MROH9: variants seen among roughly 807,000 people sequenced by gnomAD.
MROH9 encodes the protein maestro heat-like repeat-containing protein family member 9.
Under a neutral mutation model 98.2 loss-of-function variants are expected in MROH9, and 92 were observed. The ratio of observed to expected loss-of-function variants is 0.94; its 90% CI spans 0.79 to 1.11. The LOEUF (loss-of-function observed/expected upper bound fraction) is 1.11, where lower values mean the gene tolerates loss of function less well. MROH9 is among the 50% of genes most tolerant of loss of function. The pLI is 0.00. For missense variants in MROH9, 1,057 were observed against 1,014.8 expected, an observed-to-expected ratio of 1.04 and a Z score of -0.57; for synonymous variants, 397 against 368.9, an observed-to-expected ratio of 1.08 and a Z score of -0.87.
At chr1:170,970,390 A>G (rs545015577) in intron 7 of MROH9, among the ~76,000 whole-genome samples, 20 of 97,964 alleles carry the variant, frequency 2.0e-4, no homozygotes, top group Middle Eastern at 5.8e-3. Flanking sequence ...ATCGAGTGGG[A>G]AAAAAAAAAA....
chr1:170,958,581 T>C, intron 4 of MROH9, 41 bp downstream of exon 4: 2 of 1,316,728 alleles, frequency 1.5e-6, no homozygotes, highest in Non-Finnish European at 2.1e-6. Flanking sequence ...ACTAATTGGA[T>C]GCATTTAAAA....
chr1:170,973,328 G>A (rs1218933872), intron 8 of MROH9, among the ~76,000 whole-genome samples: 1 of 152,048 alleles, frequency 6.6e-6, no homozygotes, highest in Non-Finnish European at 1.5e-5. Flanking sequence ...CTGTAAGCCA[G>A]AATTTAAAAC....
intron 17 of MROH9, among the ~76,000 whole-genome samples, chr1:171,021,854 C>T (rs56225411): frequency 0.093 from 14,039 of 151,534 alleles, 768 homozygotes; most frequent in Middle Eastern, 0.17. Context: ...ATCTACCCAT[C>T]TGACAAAGAT....
intron 20 of MROH9, among the ~76,000 whole-genome samples, chr1:171,039,198 C>T (rs1018170819): frequency 3.3e-5 from 5 of 152,126 alleles, no homozygotes; most frequent in African/African-American, 9.7e-5. Flanking sequence ...AAAACAGTTT[C>T]CGTAGAGCCA....
intron 20 of MROH9, among the ~76,000 whole-genome samples, chr1:171,049,096 G>A (rs897170402): frequency 6.6e-6 from 1 of 152,150 alleles, no homozygotes; most frequent in Non-Finnish European, 1.5e-5. Context: ...GGAGCCATGA[G>A]CTGTGTAGTC....
At position 170,971,808 on chromosome 1, in the gene MROH9, C is replaced by T. The variant is rs1182601623; in HGVS notation, c.541C>T (p.His181Tyr). ...LAAELSLLCS[H>Y]EDPSIVKQAS... ...AGCAGAGCTGTCTCTTTTGTGTTCC[C>T]ATGAAGATCCCTCGATTGTAAAACA... Residue 181 changes from histidine (H) to tyrosine (Y), a missense_variant, in exon 8 of 22, where the codon CAT becomes TAT. Physicochemically the swap from His to Tyr is moderately conservative, Grantham distance 83. Transcript: ENST00000367759. 14 of 1,613,924 alleles carry T rather than the reference C, an allele frequency of 8.7e-6. No homozygotes were observed. The highest frequency in any genetic ancestry group is 1.1e-5 in the Non-Finnish European group (13 of 1,179,956).
chr1:171,061,867 A>G (rs761893614), intron 20 of MROH9, among the ~76,000 whole-genome samples: 8 of 152,194 alleles, frequency 5.3e-5, no homozygotes, highest in Non-Finnish European at 1.0e-4. Flanking sequence ...CTAAAACTCT[A>G]TTTAATAACC....
chr1:171,056,554 T>A (rs959473046), intron 20 of MROH9, among the ~76,000 whole-genome samples: 5 of 152,132 alleles, frequency 3.3e-5, no homozygotes, highest in African/African-American at 7.2e-5. Context: ...ACATAGCCTT[T>A]CCTCCTGATA....
At chr1:170,946,474 A>G (rs1308118359) in intron 2 of MROH9, among the ~76,000 whole-genome samples, 3 of 152,008 alleles carry the variant, frequency 2.0e-5, no homozygotes, top group Non-Finnish European at 4.4e-5. Context: ...AAAGGATATT[A>G]GTGGAAAAAT....
intron 20 of MROH9, among the ~76,000 whole-genome samples, chr1:171,052,188 T>C (rs1189056133): frequency 1.3e-5 from 2 of 152,272 alleles, no homozygotes; most frequent in African/African-American, 2.4e-5. Context: ...GAGATGCTTA[T>C]AGTAGTCTCT....
At chr1:170,988,722 T>C (rs1246457737) in intron 10 of MROH9, among the ~76,000 whole-genome samples, 1 of 152,136 alleles carries the variant, frequency 6.6e-6, no homozygotes, top group African/African-American at 2.4e-5. Context: ...TCCCCCAAAT[T>C]GCATATACAG....
intron 21 of MROH9, among the ~76,000 whole-genome samples, chr1:171,063,240 G>T: frequency 7.0e-6 from 1 of 142,124 alleles, no homozygotes. Flanking sequence ...TTTGGTATAT[G>T]TATTATCCCG....
chr1:171,016,322 A>G lies in MROH9; in HGVS notation c.1894A>G (p.Thr632Ala). 1 of 1,516,934 alleles carries G rather than the reference A, an allele frequency of 6.6e-7. No individual in the cohort carries two copies. 94.0% of individuals were successfully genotyped at this position (1,516,934 alleles called of 1,614,324 possible). Residue 632 changes from threonine (T) to alanine (A), a missense_variant, in exon 17 of 22, where the codon ACT (threonine) becomes GCT (alanine). Transcript: ENST00000367759. Reference sequence around the variant, plus strand: ...TACCAGAATTGGTTCCAGCTACTGTACTCTGATGGATCATGTGAGTTACAC... The same window carrying G: ...TACCAGAATTGGTTCCAGCTACTGTGCTCTGATGGATCATGTGAGTTACAC... ...LGTRIGSSYCTLMDHINGGIR... is the reference protein window; with the variant it reads ...LGTRIGSSYCALMDHINGGIR...
intron 20 of MROH9, among the ~76,000 whole-genome samples, chr1:171,056,565 G>T (rs1653843487): frequency 1.3e-5 from 2 of 151,928 alleles, no homozygotes; most frequent in East Asian, 3.9e-4. Context: ...CCTCCTGATA[G>T]TTCCAGGAGC....
chr1:170,994,190 C>G (rs146851483), intron 12 of MROH9, among the ~76,000 whole-genome samples: 179 of 152,236 alleles, frequency 1.2e-3, no homozygotes, highest in African/African-American at 4.1e-3. Flanking sequence ...CTTTGGGTGA[C>G]TGCATATGTG....
intron 15 of MROH9, among the ~76,000 whole-genome samples, chr1:171,005,186 T>C (rs962934059): frequency 1.3e-5 from 2 of 152,128 alleles, no homozygotes; most frequent in Non-Finnish European, 2.9e-5. Context: ...CACCTTAGCC[T>C]CCAGAGTAGC....
rs575435079 is a variant in MROH9 at position 171,034,063 on chromosome 1, A to C, written c.2281+8643A>C. 6.0e-4 allele frequency among the ~76,000 whole-genome samples: 92 copies of C among 152,282 alleles called. 1 individual carries two copies. Among genetic ancestry groups the C allele is most frequent in the African/African-American group, 2.1e-3 (87 of 41,576 alleles). On this transcript the variant is annotated intron_variant, in intron 20 of 21. Coordinates refer to ENST00000367759, the MANE Select transcript of MROH9 (RefSeq NM_001163629.2). Reference sequence around the variant, plus strand: ...AAAAAATTACCTACAAATTTTAAAAATAGAGAAACTGTCATTAAACTTCTT... The same window carrying C: ...AAAAAATTACCTACAAATTTTAAAACTAGAGAAACTGTCATTAAACTTCTT...
rs1471312498 is a variant in MROH9 at position 171,024,537 on chromosome 1, G to A, written c.2051G>A (p.Arg684Lys). The A allele has an allele frequency of 6.5e-6, 10 of 1,532,528 alleles. No homozygotes were observed. The East Asian group carries it at 9.8e-5, about 15-fold the overall frequency. 94.9% of individuals were successfully genotyped at this position (1,532,528 alleles called of 1,614,324 possible). The change falls in exon 18 of 22, where the codon AGA becomes AAA. Residue 684 changes from arginine (R) to lysine (K), a missense_variant. By Grantham distance (26) the Arg-to-Lys change is conservative (BLOSUM62 2). Transcript: ENST00000367759. ...LILFLEDDDK[R>K]VAEACKYTLK... ...CTATTTTTGGAGGATGATGATAAAA[G>A]AGTAGCTGAAGTAAGTCATTTGATC...
intron 8 of MROH9, among the ~76,000 whole-genome samples, chr1:170,975,433 T>C (rs950747229): frequency 2.0e-5 from 3 of 152,166 alleles, no homozygotes; most frequent in African/African-American, 7.2e-5. Flanking sequence ...ACAATTCTTT[T>C]TTGAATAGAT....
Sources: allele counts gnomAD v4.1 joint callset (sites outside exome capture counted in the v4.1 genomes callset), GRCh38; gene constraint gnomAD v4.1.1; transcripts MANE v1.5; gene names NCBI Gene and HGNC (gene_info 2026-07-23, HGNC 2026-07-21).